The following ERCC2 variants were observed in gnomAD, a reference collection of about 807,000 sequenced individuals.
ERCC2 encodes the protein general transcription and DNA repair factor IIH helicase subunit XPD.
A neutral mutation model predicts 99.4 loss-of-function variants in ERCC2; 90 were observed. The observed-to-expected ratio is 0.91, with a 90% confidence interval of 0.76 to 1.08. The LOEUF (loss-of-function observed/expected upper bound fraction) is 1.08. ERCC2 is among the 50% of genes least tolerant of loss of function. ERCC2 has a pLI of 0.00. For missense variants in ERCC2, 993 were observed against 1,038.1 expected (o/e 0.96, Z 0.60); for synonymous variants, 497 against 432.4 (o/e 1.15, Z -1.85).
At position 45,364,129 on chromosome 19, in the gene ERCC2, G is replaced by A; in HGVS notation, c.816-10C>T. ...GTCTGTCTCTTTGATCCTGCGGAGA[G>A]ATGAGCTGGGGCTGGGAGGGGGCTG... is the stretch of plus-strand genomic sequence containing the variant. On this transcript the variant is annotated splice_polypyrimidine_tract_variant and intron_variant, in intron 9 of 22. Coordinates refer to ENST00000391945, the MANE Select transcript of ERCC2 (RefSeq NM_000400.4). 1.2e-6 allele frequency: 2 copies of A among 1,611,798 alleles called. No individual in the cohort carries two copies. Among genetic ancestry groups the A allele is most frequent in the African/African-American group, 1.3e-5 (1 of 75,054 alleles).
chr19:45,360,091 T>C (rs1396992715), intron 12 of ERCC2, among the ~76,000 whole-genome samples: 1 of 151,096 alleles, frequency 6.6e-6, no homozygotes, highest in African/African-American at 2.4e-5. Flanking sequence ...TTTTCTTTTT[T>C]TTTTTTGAGA....
chr19:45,359,888 T>C (rs1972150829), intron 12 of ERCC2, among the ~76,000 whole-genome samples: 1 of 151,112 alleles, frequency 6.6e-6, no homozygotes, highest in Non-Finnish European at 1.5e-5. Context: ...AATTCTCCTG[T>C]CTCAGGCTCC....
intron 5 of ERCC2, among the ~76,000 whole-genome samples, chr19:45,366,308 A>T (rs1972424449): frequency 6.6e-6 from 1 of 151,894 alleles, no homozygotes; most frequent in African/African-American, 2.4e-5. Flanking sequence ...ACACCCGGCT[A>T]ATTTTGTCTT....
intron 12 of ERCC2, among the ~76,000 whole-genome samples, chr19:45,360,773 C>T (rs978033435): frequency 2.6e-5 from 4 of 152,138 alleles, no homozygotes; most frequent in African/African-American, 7.2e-5. Flanking sequence ...CCTGCCTAAC[C>T]ATTCCAAAGT....
At chr19:45,357,843 C>T (rs1338068557) in intron 12 of ERCC2, 144 bp from the exon 13 acceptor site, 1 of 759,622 alleles carries the variant, frequency 1.3e-6, no homozygotes, top group East Asian at 2.7e-5. Flanking sequence ...AACATGACTG[C>T]TTAAGCCCCA....
Position 45,353,229 on chromosome 19 carries a change from C to G in ERCC2, c.1758+13G>C. 6.2e-7 allele frequency: 1 copy of G among 1,613,462 alleles called. No homozygotes were observed. Among genetic ancestry groups the G allele is most frequent in the Non-Finnish European group, 8.5e-7 (1 of 1,179,510 alleles). ...CTCCCCGACCCCTCTCCACGCTGGC[C>G]TCGCACACCCACCTCCTGGTACTTC... On this transcript the variant is annotated intron_variant, in intron 18 of 22. Transcript: ENST00000391945.
intron 5 of ERCC2, among the ~76,000 whole-genome samples, 162 bp downstream of exon 5, chr19:45,368,468 G>A (rs930525718): frequency 2.0e-5 from 3 of 152,148 alleles, no homozygotes; most frequent in African/African-American, 7.2e-5. Context: ...GTGCTTGCCT[G>A]GGCCACGATG....
In ERCC2 at chr19:45,350,909, C is replaced by A. The variant is rs941603907; in HGVS notation, c.*720G>T. On this transcript the variant is annotated 3_prime_UTR_variant, in exon 23 of 23. Transcript: ENST00000391945. Reference sequence around the variant, plus strand: ...TGGAAAGGTCCCTCGTGGAGGGGGGCCACTCCTGGATTCACTCATTTCCTC... The same window carrying A: ...TGGAAAGGTCCCTCGTGGAGGGGGGACACTCCTGGATTCACTCATTTCCTC... The A allele has an allele frequency of 2.5e-6, 4 of 1,583,306 alleles. No individual in the cohort carries two copies. Among genetic ancestry groups the A allele is most frequent in the Non-Finnish European group, 3.5e-6 (4 of 1,158,094 alleles).
rs374648727 is a variant in ERCC2, at chr19:45,370,523, G to A, written c.5+13C>T. The A allele has an allele frequency of 3.9e-4, 528 of 1,355,034 alleles. No individual in the cohort carries two copies. Among genetic ancestry groups the A allele is most frequent in the African/African-American group, 6.8e-4 (44 of 65,162 alleles). The allele number at this position is 1,355,034 out of a possible 1,614,324, so 83.9% of individuals were successfully genotyped here. A position where few individuals can be genotyped will look rare whatever the true frequency, so the allele number is the denominator to read the frequency against. On this transcript the variant is annotated intron_variant, in intron 1 of 22. Coordinates refer to ENST00000391945, the MANE Select transcript of ERCC2 (RefSeq NM_000400.4). ...CGCCCGCTAGCGAGCGCGACCCCCA[G>A]CCCCCTTCTCACTTCATGGCGCCGG...
Position 45,352,983 on chromosome 19 carries a change from T to G in ERCC2, c.1831+100A>C, listed in dbSNP as rs533316468. ...GGAGGGCCCCTCTGTGCACCTAGGC[T>G]GGGGGTGGGTGGTTCCCCGCGGGAG... On this transcript the variant is annotated intron_variant, in intron 19 of 22. Coordinates refer to ENST00000391945, the MANE Select transcript of ERCC2 (RefSeq NM_000400.4). 32 of 1,354,084 alleles carry G rather than the reference T, an allele frequency of 2.4e-5. 2 individuals are homozygous for G. The South Asian group carries it at 3.5e-4, about 15-fold the overall frequency. 83.9% of individuals were successfully genotyped at this position (1,354,084 alleles called of 1,614,324 possible).
Position 45,351,021 on chromosome 19 carries a change from A to AG in ERCC2, c.*607dup, listed in dbSNP as rs1349745490. 9 of 1,613,980 alleles carry AG rather than the reference A, an allele frequency of 5.6e-6. No homozygotes were observed. The highest frequency in any genetic ancestry group is 6.8e-6 in the Non-Finnish European group (8 of 1,180,018). On this transcript the variant is annotated 3_prime_UTR_variant, in exon 23 of 23. Coordinates refer to ENST00000391945, the MANE Select transcript of ERCC2 (RefSeq NM_000400.4). ...TCCAAGGGCTCCTGGGACTCAGGTG[A>AG]GGGGGACATCTGGGTCAAAAATAGA...
At position 45,349,864 on chromosome 19, in the gene ERCC2, A is replaced by C; in HGVS notation, c.*1765T>G. ...GCAGCAGCAGACATTTATTGAGCTC[A>C]CTGTGGCCGGCTCCCCTCTTAGCCC... On this transcript the variant is annotated 3_prime_UTR_variant, in exon 23 of 23. Transcript: ENST00000391945. 3 of 497,392 alleles carry C rather than the reference A, an allele frequency of 6.0e-6. No homozygotes were observed. Among genetic ancestry groups the C allele is most frequent in the Non-Finnish European group, 7.1e-6 (2 of 280,102 alleles). The allele number at this position is 497,392 out of a possible 1,614,324, so 30.8% of individuals were successfully genotyped here.
Position 45,353,333 on chromosome 19 carries a change from C to G in ERCC2, c.1667G>C (p.Gly556Ala). The change falls in exon 18 of 23, where the codon GGG (glycine) becomes GCG (alanine). Residue 556 changes from glycine to alanine, a missense_variant and splice_region_variant. By Grantham distance (60) the Gly-to-Ala change is moderately conservative. This residue lies in a region of ERCC2 where 909 missense variants were observed against 930.8 expected (regional missense o/e 0.98). Coordinates refer to ENST00000391945, the MANE Select transcript of ERCC2 (RefSeq NM_000400.4). ...GTTCCTCTGGATGTTCTCAAGGATCCCCTGGGGAAGGACCCAGGGAGGTCA... is the reference window on the plus strand; with the variant it reads ...GTTCCTCTGGATGTTCTCAAGGATCGCCTGGGGAAGGACCCAGGGAGGTCA... Reference protein sequence around the residue: ...ESTVASWYEQGILENIQRNKL... With the variant: ...ESTVASWYEQAILENIQRNKL... The G allele has an allele frequency of 1.2e-6, 2 of 1,613,188 alleles. No homozygotes were observed. The highest frequency in any genetic ancestry group is 1.7e-6 in the Non-Finnish European group (2 of 1,179,528).
chr19:45,351,427 G>C lies in ERCC2; in HGVS notation c.*202C>G. The C allele has an allele frequency of 6.3e-7, 1 of 1,592,224 alleles. No individual in the cohort carries two copies. The highest frequency in any genetic ancestry group is 8.5e-7 in the Non-Finnish European group (1 of 1,172,520). ...GGAGGGATGGGCTGGTGGGGTGAGA[G>C]GGGGTCTATCATCTCCTGGCCCCCC... On this transcript the variant is annotated 3_prime_UTR_variant, in exon 23 of 23. Coordinates refer to ENST00000391945, the MANE Select transcript of ERCC2 (RefSeq NM_000400.4).
In ERCC2 at chr19:45,351,260, C is replaced by T. The variant is rs772961263; in HGVS notation, c.*369G>A. 1.1e-5 allele frequency: 17 copies of T among 1,608,774 alleles called. No individual in the cohort carries two copies. Among genetic ancestry groups the T allele is most frequent in the East Asian group, 2.2e-5 (1 of 44,844 alleles). On this transcript the variant is annotated 3_prime_UTR_variant, in exon 23 of 23. Coordinates refer to ENST00000391945, the MANE Select transcript of ERCC2 (RefSeq NM_000400.4). ...TAACACTTGCCCCTCACCTCCCCTCCAACCATCCCCTGTGCCTGTCTCCAG... is the reference window on the plus strand; with the variant it reads ...TAACACTTGCCCCTCACCTCCCCTCTAACCATCCCCTGTGCCTGTCTCCAG...
At position 45,351,059 on chromosome 19, in the gene ERCC2, G is replaced by A. The variant is rs1387896158; in HGVS notation, c.*570C>T. 2.5e-6 allele frequency: 4 copies of A among 1,613,820 alleles called. No individual in the cohort carries two copies. The African/African-American group carries it at 4.0e-5, about 16-fold the overall frequency. ...GGTCAAAAATAGAGGAGGCCATGTGGGTAGGTGCAGAGATGAGGCAAAGGC... is the reference window on the plus strand; with the variant it reads ...GGTCAAAAATAGAGGAGGCCATGTGAGTAGGTGCAGAGATGAGGCAAAGGC... On this transcript the variant is annotated 3_prime_UTR_variant, in exon 23 of 23. Coordinates refer to ENST00000391945, the MANE Select transcript of ERCC2 (RefSeq NM_000400.4).
rs1187716801 is a variant in ERCC2, at chr19:45,351,376, G to T, written c.*253C>A. ...CCACTAACGTCCAGTGAACTGCGCT[G>T]GCCGCAGCTTCTTGGGAACAGTGCA... On this transcript the variant is annotated 3_prime_UTR_variant, in exon 23 of 23. Transcript: ENST00000391945. The T allele has an allele frequency of 6.2e-7, 1 of 1,608,412 alleles. No homozygotes were observed.
intron 17 of ERCC2, 88 bp downstream of exon 17, chr19:45,354,642 T>C: frequency 6.4e-7 from 1 of 1,556,234 alleles, no homozygotes. Flanking sequence ...CCTGTCACCA[T>C]CAGAGTGTGA....
Position 45,369,010 on chromosome 19 carries a change from ACT to A in ERCC2, c.184-20_184-19del. ...GGATATGCCTGCCGATAACAAGCGGACTCAGTCCCTGTCCCGCCCCTTCCTTT... is the reference window on the plus strand; with the variant it reads ...GGATATGCCTGCCGATAACAAGCGGACAGTCCCTGTCCCGCCCCTTCCTTT... On this transcript the variant is annotated intron_variant, in intron 3 of 22. Coordinates refer to ENST00000391945, the MANE Select transcript of ERCC2 (RefSeq NM_000400.4). The A allele has an allele frequency of 6.2e-7, 1 of 1,614,020 alleles. No individual in the cohort carries two copies. The highest frequency in any genetic ancestry group is 8.5e-7 in the Non-Finnish European group (1 of 1,179,908).
Sources: allele counts gnomAD v4.1 joint callset (sites outside exome capture counted in the v4.1 genomes callset), GRCh38; gene constraint gnomAD v4.1.1; regional missense constraint gnomAD v4.1.1; transcripts MANE v1.5; gene names NCBI Gene and HGNC (gene_info 2026-07-23, HGNC 2026-07-21).